The following FOXC1 variants were observed in gnomAD, a reference collection of about 807,000 sequenced individuals.
FOXC1 encodes the protein forkhead box protein C1.
In FOXC1, 5 loss-of-function variants were observed where a neutral mutation model predicts 8.1. That is an observed-to-expected ratio of 0.62 (90% confidence interval 0.32 to 1.30). The LOEUF (loss-of-function observed/expected upper bound fraction) is 1.30, where lower values mean the gene tolerates loss of function less well. FOXC1 is among the 50% of genes most tolerant of loss of function. The pLI, the probability that FOXC1 is intolerant of heterozygous loss-of-function variation, is 0.05. For missense variants in FOXC1, 942 were observed against 858.0 expected (o/e 1.10, Z -1.22); for synonymous variants, 552 against 417.2 (o/e 1.32, Z -3.94).
chr6:1,611,406 C>G lies in FOXC1; in HGVS notation c.961C>G (p.Pro321Ala). 6.9e-7 allele frequency: 1 copy of G among 1,449,878 alleles called. No homozygotes were observed. The highest frequency in any genetic ancestry group is 9.1e-7 in the Non-Finnish European group (1 of 1,103,278). The allele number at this position is 1,449,878 out of a possible 1,614,324, so 89.8% of individuals were successfully genotyped here. A position where few individuals can be genotyped will look rare whatever the true frequency, so the allele number is the denominator to read the frequency against. The change falls in exon 1 of 1, where the codon CCG becomes GCG. Residue 321 changes from proline (P) to alanine (A), a missense_variant. Pro to Ala is a conservative substitution (Grantham distance 27). This residue lies in a region of FOXC1 where 726 missense variants were observed against 599.6 expected (regional missense o/e 1.21). Transcript: ENST00000645831. The surrounding 1 kb of genome is among the most constrained non-coding windows in gnomAD (Gnocchi z 7.1). ...DNIMTSLRGS[P>A]QSAAAELSSG... is the part of the protein sequence containing the mutation. ...CATCATGACGTCGCTGCGGGGGTCGCCGCAGAGCGCGGCCGCGGAGCTCAG... is the reference window on the plus strand; with the variant it reads ...CATCATGACGTCGCTGCGGGGGTCGGCGCAGAGCGCGGCCGCGGAGCTCAG...
chr6:1,609,916 C>CTCTT lies in FOXC1; in HGVS notation c.-528_-527insTTTC, dbSNP rs1762499007. 1.3e-5 allele frequency: 2 copies of CTCTT among 151,718 alleles called. No individual in the cohort carries two copies. The allele number at this position is 151,718 out of a possible 1,614,324, so 9.4% of individuals were successfully genotyped here. A position where few individuals can be genotyped will look rare whatever the true frequency, so the allele number is the denominator to read the frequency against. ...AAAGTCCTCGCCTGGGTGACGGATG[C>CTCTT]TCAAAAGTTCAGAAGTTTTCCCAAT... On this transcript the variant is annotated 5_prime_UTR_variant, in exon 1 of 1. Coordinates refer to ENST00000645831, the MANE Select transcript of FOXC1 (RefSeq NM_001453.3).
Position 1,613,708 on chromosome 6 carries a change from G to A in FOXC1, c.*1601G>A, listed in dbSNP as rs1334548372. 1.4e-5 allele frequency: 3 copies of A among 218,650 alleles called. No homozygotes were observed. In the East Asian group the frequency reaches 2.2e-4, roughly 16 times the overall value. The allele number at this position is 218,650 out of a possible 1,614,324, so 13.5% of individuals were successfully genotyped here. A position where few individuals can be genotyped will look rare whatever the true frequency, so the allele number is the denominator to read the frequency against. ...CCTGCCAATCAGACTTTGGGGAGAT[G>A]GCGATTTGATTACAGACGTTCGGGG... On this transcript the variant is annotated 3_prime_UTR_variant, in exon 1 of 1. Coordinates refer to ENST00000645831, the MANE Select transcript of FOXC1 (RefSeq NM_001453.3).
At position 1,610,602 on chromosome 6, in the gene FOXC1, G is replaced by A. The variant is rs1269894229; in HGVS notation, c.157G>A (p.Ala53Thr). 1 of 1,608,666 alleles carries A rather than the reference G, an allele frequency of 6.2e-7. No individual in the cohort carries two copies. The highest frequency in any genetic ancestry group is 8.5e-7 in the Non-Finnish European group (1 of 1,178,444). Reference sequence around the variant, plus strand: ...GAGCGTGTACTCGCACCCTGCGCACGCCGAGCAGTACCCGGGCGGCATGGC... The same window carrying A: ...GAGCGTGTACTCGCACCCTGCGCACACCGAGCAGTACCCGGGCGGCATGGC... ...PMSVYSHPAH[A>T]EQYPGGMARA... Residue 53 changes from alanine to threonine, a missense_variant, in exon 1 of 1, where the codon GCC becomes ACC. This residue lies in a region of FOXC1 where 190 missense variants were observed against 176.8 expected (regional missense o/e 1.07). Transcript: ENST00000645831.
Position 1,613,238 on chromosome 6 carries a change from C to T in FOXC1, c.*1131C>T, listed in dbSNP as rs1287411386. On this transcript the variant is annotated 3_prime_UTR_variant, in exon 1 of 1. Coordinates refer to ENST00000645831, the MANE Select transcript of FOXC1 (RefSeq NM_001453.3). ...CAGATAAATATTTGGCTTGTGTATTCCATATAAAATTGCAGTGCATATTAT... is the reference window on the plus strand; with the variant it reads ...CAGATAAATATTTGGCTTGTGTATTTCATATAAAATTGCAGTGCATATTAT... 1.3e-5 allele frequency: 3 copies of T among 237,434 alleles called. No individual in the cohort carries two copies. The highest frequency in any genetic ancestry group is 2.7e-5 in the Non-Finnish European group (3 of 111,702). The allele number at this position is 237,434 out of a possible 1,614,324, so 14.7% of individuals were successfully genotyped here.
chr6:1,610,796 C>T lies in FOXC1; in HGVS notation c.351C>T (p.Asp117=), dbSNP rs1391853754. The stretch of plus-strand genomic sequence containing the variant: ...TGGACCGCTTCCCCTTCTACCGGGA[C>T]AACAAGCAGGGCTGGCAGAACAGCA... The part of the protein sequence containing the change: ...FIMDRFPFYR[D]NKQGWQNSIR... The change falls in exon 1 of 1, where the codon GAC becomes GAT. Residue 117 remains aspartate (D), a synonymous_variant. Transcript: ENST00000645831. 1.8e-5 allele frequency: 29 copies of T among 1,613,954 alleles called. No homozygotes were observed. The highest frequency in any genetic ancestry group is 1.7e-4 in the Admixed American group (10 of 60,006).
chr6:1,611,461 C>A lies in FOXC1; in HGVS notation c.1016C>A (p.Ser339Tyr). The A allele has an allele frequency of 7.2e-7, 1 of 1,385,312 alleles. No individual in the cohort carries two copies. Among genetic ancestry groups the A allele is most frequent in the Non-Finnish European group, 9.4e-7 (1 of 1,068,144 alleles). The allele number at this position is 1,385,312 out of a possible 1,614,324, so 85.8% of individuals were successfully genotyped here. A position where few individuals can be genotyped will look rare whatever the true frequency, so the allele number is the denominator to read the frequency against. Reference protein sequence around the residue: ...SSGLLASAAASSRAGIAPPLA... With the variant: ...SSGLLASAAAYSRAGIAPPLA... ...GGCCTTCTGGCCTCGGCGGCCGCGT[C>A]CTCGCGCGCGGGGATCGCACCCCCG... Residue 339 changes from serine to tyrosine, a missense_variant, in exon 1 of 1, where the codon TCC becomes TAC. Ser to Tyr is a moderately radical substitution (Grantham distance 144). This residue lies in a region of FOXC1 where 726 missense variants were observed against 599.6 expected (regional missense o/e 1.21). Transcript: ENST00000645831. This position sits in a 1 kb window ranked among gnomAD's most constrained non-coding sequence, Gnocchi z 7.1.
In FOXC1 at chr6:1,611,150, G is replaced by T. The variant is rs1239430042; in HGVS notation, c.705G>T (p.Ser235=). ...DIKTENGTCP[S]PPQPLSPAAA... is the part of the protein sequence containing the mutation. The stretch of plus-strand genomic sequence containing the variant: ...AGACCGAGAACGGTACGTGCCCCTC[G>T]CCGCCCCAGCCCCTGTCCCCGGCCG... The change falls in exon 1 of 1, where the codon TCG becomes TCT. Residue 235 remains serine, a synonymous_variant. Transcript: ENST00000645831. The surrounding 1 kb of genome is among the most constrained non-coding windows in gnomAD (Gnocchi z 7.1). The T allele has an allele frequency of 5.6e-6, 8 of 1,438,944 alleles. No individual in the cohort carries two copies. The highest frequency in any genetic ancestry group is 6.4e-6 in the Non-Finnish European group (7 of 1,088,662). The allele number at this position is 1,438,944 out of a possible 1,614,324, so 89.1% of individuals were successfully genotyped here. A position where few individuals can be genotyped will look rare whatever the true frequency, so the allele number is the denominator to read the frequency against.
chr6:1,611,954 C>T lies in FOXC1; in HGVS notation c.1509C>T (p.Asn503=), dbSNP rs761498563. The T allele has an allele frequency of 4.6e-5, 73 of 1,600,210 alleles. 1 individual carries two copies. Among genetic ancestry groups the T allele is most frequent in the Non-Finnish European group, 5.5e-5 (64 of 1,173,422 alleles). ...AAAGYPGQQQ[N]FHSVREMFES... is the part of the protein sequence containing the mutation. ...CAGGCTACCCGGGCCAGCAGCAGAA[C>T]TTCCACTCGGTGCGGGAGATGTTCG... The change falls in exon 1 of 1, where the codon AAC becomes AAT. Residue 503 remains asparagine (N), a synonymous_variant. Coordinates refer to ENST00000645831, the MANE Select transcript of FOXC1 (RefSeq NM_001453.3). This position sits in a 1 kb window ranked among gnomAD's most constrained non-coding sequence, Gnocchi z 7.1.
rs1189971066 is a variant in FOXC1, at chr6:1,610,997, G to A, written c.552G>A (p.Glu184=). The A allele has an allele frequency of 6.2e-7, 1 of 1,611,524 alleles. No individual in the cohort carries two copies. The highest frequency in any genetic ancestry group is 8.5e-7 in the Non-Finnish European group (1 of 1,179,356). ...FKKKDAVKDK[E]EKDRLHLKEP... ...AGAAGGACGCGGTGAAGGACAAGGA[G>A]GAGAAGGACAGGCTGCACCTCAAGG... The change falls in exon 1 of 1, where the codon GAG becomes GAA. Residue 184 remains glutamate (E), a synonymous_variant. Coordinates refer to ENST00000645831, the MANE Select transcript of FOXC1 (RefSeq NM_001453.3).
At position 1,610,805 on chromosome 6, in the gene FOXC1, G is replaced by A. The variant is rs767127192; in HGVS notation, c.360G>A (p.Gln120=). The change falls in exon 1 of 1, where the codon CAG becomes CAA. Residue 120 remains glutamine, a synonymous_variant. Coordinates refer to ENST00000645831, the MANE Select transcript of FOXC1 (RefSeq NM_001453.3). Reference sequence around the variant, plus strand: ...TCCCCTTCTACCGGGACAACAAGCAGGGCTGGCAGAACAGCATCCGCCACA... The same window carrying A: ...TCCCCTTCTACCGGGACAACAAGCAAGGCTGGCAGAACAGCATCCGCCACA... ...DRFPFYRDNK[Q]GWQNSIRHNL... The A allele has an allele frequency of 1.5e-5, 24 of 1,614,096 alleles. 1 individual carries two copies. The South Asian group carries it at 1.8e-4, about 12-fold the overall frequency.
Position 1,611,534 on chromosome 6 carries a change from C to A in FOXC1, c.1089C>A (p.Ser363=). Residue 363 remains serine, a synonymous_variant, in exon 1 of 1, where the codon TCC becomes TCA. Coordinates refer to ENST00000645831, the MANE Select transcript of FOXC1 (RefSeq NM_001453.3). This position sits in a 1 kb window ranked among gnomAD's most constrained non-coding sequence, Gnocchi z 7.1. The part of the protein sequence containing the change: ...YSPGQSSLYS[S]PCSQTSSAGS... The stretch of plus-strand genomic sequence containing the variant: ...CCGGCCAGAGCTCCCTCTACAGCTC[C>A]CCCTGCAGCCAGACCTCCAGCGCGG... 1.5e-6 allele frequency: 2 copies of A among 1,292,048 alleles called. No homozygotes were observed. The highest frequency in any genetic ancestry group is 2.9e-4 in the Middle Eastern group (1 of 3,426). 80.0% of individuals were successfully genotyped at this position (1,292,048 alleles called of 1,614,324 possible).
chr6:1,611,443 T>C lies in FOXC1; in HGVS notation c.998T>C (p.Leu333Pro), dbSNP rs769063534. 1.4e-6 allele frequency: 2 copies of C among 1,396,874 alleles called. No homozygotes were observed. The highest frequency in any genetic ancestry group is 1.5e-5 in the South Asian group (1 of 67,930). The allele number at this position is 1,396,874 out of a possible 1,614,324, so 86.5% of individuals were successfully genotyped here. Residue 333 changes from leucine to proline, a missense_variant, in exon 1 of 1, where the codon CTG (leucine) becomes CCG (proline). Transcript: ENST00000645831. This position sits in a 1 kb window ranked among gnomAD's most constrained non-coding sequence, Gnocchi z 7.1. Reference sequence around the variant, plus strand: ...GCCGCGGAGCTCAGCTCCGGCCTTCTGGCCTCGGCGGCCGCGTCCTCGCGC... The same window carrying C: ...GCCGCGGAGCTCAGCTCCGGCCTTCCGGCCTCGGCGGCCGCGTCCTCGCGC... ...SAAAELSSGL[L>P]ASAAASSRAG...
In FOXC1 at chr6:1,612,967, C is replaced by T. The variant is rs557259848; in HGVS notation, c.*860C>T. 1.3e-5 allele frequency: 3 copies of T among 222,902 alleles called. No individual in the cohort carries two copies. Among genetic ancestry groups the T allele is most frequent in the Non-Finnish European group, 2.9e-5 (3 of 102,570 alleles). 13.8% of individuals were successfully genotyped at this position (222,902 alleles called of 1,614,324 possible). On this transcript the variant is annotated 3_prime_UTR_variant, in exon 1 of 1. Transcript: ENST00000645831. ...TCTGACTAGTCCATGTCAAATTTTA[C>T]TAAAAGTCTTTTTGTTTAGATTTAT... is the stretch of plus-strand genomic sequence containing the variant.
In FOXC1 at chr6:1,611,906, CGCGGCG is replaced by C. The variant is rs747574884; in HGVS notation, c.1476_1481del (p.Ala494_Ala495del). The stretch of plus-strand genomic sequence containing the variant: ...GCGGAGACCTGGGCCACTTGGCGAG[CGCGGCG>C]GCGGCGGCGGCGGCCGCAGGCTACC... On this transcript the variant is annotated inframe_deletion, in exon 1 of 1. Transcript: ENST00000645831. The surrounding 1 kb of genome is among the most constrained non-coding windows in gnomAD (Gnocchi z 7.1). 4.2e-4 allele frequency: 650 copies of C among 1,536,726 alleles called. 1 individual carries two copies. The highest frequency in any genetic ancestry group is 3.6e-3 in the Middle Eastern group (21 of 5,874).
rs374954433 is a variant in FOXC1, at chr6:1,612,332, G to A, written c.*225G>A. 1.2e-5 allele frequency: 8 copies of A among 687,278 alleles called. No individual in the cohort carries two copies. The highest frequency in any genetic ancestry group is 2.9e-5 in the Admixed American group (1 of 34,206). 42.6% of individuals were successfully genotyped at this position (687,278 alleles called of 1,614,324 possible). On this transcript the variant is annotated 3_prime_UTR_variant, in exon 1 of 1. Coordinates refer to ENST00000645831, the MANE Select transcript of FOXC1 (RefSeq NM_001453.3). ...ATTAATTCAGAGCCACCTCCACTTTGCCTTGTCTAAATAAACAAACCCGTA... is the reference window on the plus strand; with the variant it reads ...ATTAATTCAGAGCCACCTCCACTTTACCTTGTCTAAATAAACAAACCCGTA...
In FOXC1 at chr6:1,611,035, C is replaced by G. The variant is rs1762530253; in HGVS notation, c.590C>G (p.Pro197Arg). The change falls in exon 1 of 1, where the codon CCC becomes CGC. Residue 197 changes from proline (P) to arginine (R), a missense_variant. By Grantham distance (103) the Pro-to-Arg change is moderately radical. Around this residue, in one of 4 missense-constraint regions of FOXC1, gnomAD observed 726 missense variants for 599.6 expected, o/e 1.21. Coordinates refer to ENST00000645831, the MANE Select transcript of FOXC1 (RefSeq NM_001453.3). This position sits in a 1 kb window ranked among gnomAD's most constrained non-coding sequence, Gnocchi z 7.1. ...DRLHLKEPPPPGRQPPPAPPE... is the reference protein window; with the variant it reads ...DRLHLKEPPPRGRQPPPAPPE... ...CTGCACCTCAAGGAGCCGCCCCCGCCCGGCCGCCAGCCCCCGCCCGCGCCG... is the reference window on the plus strand; with the variant it reads ...CTGCACCTCAAGGAGCCGCCCCCGCGCGGCCGCCAGCCCCCGCCCGCGCCG... The G allele has an allele frequency of 1.3e-6, 2 of 1,544,702 alleles. No individual in the cohort carries two copies. Among genetic ancestry groups the G allele is most frequent in the Admixed American group, 2.0e-5 (1 of 50,708 alleles).
In FOXC1 at chr6:1,611,462, C is replaced by T. The variant is rs770183159; in HGVS notation, c.1017C>T (p.Ser339=). 5.8e-6 allele frequency: 8 copies of T among 1,385,166 alleles called. No homozygotes were observed. Among genetic ancestry groups the T allele is most frequent in the African/African-American group, 4.6e-5 (3 of 65,776 alleles). 85.8% of individuals were successfully genotyped at this position (1,385,166 alleles called of 1,614,324 possible). Residue 339 remains serine, a synonymous_variant, in exon 1 of 1, where the codon TCC becomes TCT. Coordinates refer to ENST00000645831, the MANE Select transcript of FOXC1 (RefSeq NM_001453.3). The surrounding 1 kb of genome is among the most constrained non-coding windows in gnomAD (Gnocchi z 7.1). ...SSGLLASAAA[S]SRAGIAPPLA... ...GCCTTCTGGCCTCGGCGGCCGCGTCCTCGCGCGCGGGGATCGCACCCCCGC... is the reference window on the plus strand; with the variant it reads ...GCCTTCTGGCCTCGGCGGCCGCGTCTTCGCGCGCGGGGATCGCACCCCCGC...
chr6:1,610,359 C>A lies in FOXC1; in HGVS notation c.-87C>A. 1 of 757,946 alleles carries A rather than the reference C, an allele frequency of 1.3e-6. No homozygotes were observed. Among genetic ancestry groups the A allele is most frequent in the Non-Finnish European group, 1.6e-6 (1 of 624,564 alleles). The allele number at this position is 757,946 out of a possible 1,614,324, so 47.0% of individuals were successfully genotyped here. On this transcript the variant is annotated 5_prime_UTR_variant, in exon 1 of 1. Coordinates refer to ENST00000645831, the MANE Select transcript of FOXC1 (RefSeq NM_001453.3). Reference sequence around the variant, plus strand: ...CGGCACCAGCTCGGCCGGGCCCGGACTCGGACTCGGCGGCCGGCGCGGCGC... The same window carrying A: ...CGGCACCAGCTCGGCCGGGCCCGGAATCGGACTCGGCGGCCGGCGCGGCGC...
chr6:1,611,846 A>C lies in FOXC1; in HGVS notation c.1401A>C (p.Gln467His). The C allele has an allele frequency of 6.5e-7, 1 of 1,534,300 alleles. No individual in the cohort carries two copies. Among genetic ancestry groups the C allele is most frequent in the East Asian group, 2.5e-5 (1 of 40,136 alleles). ...CCGGCCACCACCCTGCGGCCCACCA[A>C]GGCCGCCTCACCTCGTGGTACCTGA... Reference protein sequence around the residue: ...QEAGHHPAAHQGRLTSWYLNQ... With the variant: ...QEAGHHPAAHHGRLTSWYLNQ... The change falls in exon 1 of 1, where the codon CAA becomes CAC. Residue 467 changes from glutamine (Q) to histidine (H), a missense_variant. By Grantham distance (24) the Gln-to-His change is conservative. Around this residue, in one of 4 missense-constraint regions of FOXC1, gnomAD observed 726 missense variants for 599.6 expected, o/e 1.21. Transcript: ENST00000645831. This position sits in a 1 kb window ranked among gnomAD's most constrained non-coding sequence, Gnocchi z 7.1.
Sources: gnomAD v4.1 joint callset for allele counts on GRCh38, gnomAD v4.1.1 for gene constraint, gnomAD v4.1.1 regional missense constraint, Gnocchi (gnomAD v3.1) non-coding constraint, MANE v1.5 for transcripts, NCBI Gene and HGNC (gene_info 2026-07-23, HGNC 2026-07-21) for gene names.